Variants in SFSWAP observed in about 807,000 individuals in gnomAD.
SFSWAP encodes the protein splicing factor SWAP, also known as splicing factor, suppressor of white-apricot homolog.
In SFSWAP, 17 loss-of-function variants were observed where a neutral mutation model predicts 100.7. That is an observed-to-expected ratio of 0.17 (90% CI 0.12 to 0.25). The LOEUF (loss-of-function observed/expected upper bound fraction) is 0.25, where lower values mean the gene tolerates loss of function less well. Ranked by LOEUF, SFSWAP falls within the 10% of genes least tolerant of loss-of-function variation. The pLI, the probability that SFSWAP is intolerant of heterozygous loss-of-function variation, is 1.00. For synonymous variants in SFSWAP, 504 were observed against 510.1 expected, an observed-to-expected ratio of 0.99 and a Z score of 0.16; for missense variants, 1,005 against 1,262.6, an observed-to-expected ratio of 0.80 and a Z score of 3.09.
At chr12:131,791,091 T>G (rs1367199411) in intron 15 of SFSWAP, among the ~76,000 whole-genome samples, 1 of 151,934 alleles carries the variant, frequency 6.6e-6, no homozygotes, top group Non-Finnish European at 1.5e-5. Flanking sequence ...GATTGTGGAG[T>G]GGATTAAAGA....
intron 7 of SFSWAP, among the ~76,000 whole-genome samples, chr12:131,740,959 T>TTTCTTTC (rs1880553918): frequency 7.4e-6 from 1 of 134,352 alleles, no homozygotes; most frequent in African/African-American, 2.6e-5. Context: ...TTTTTTTTCT[T>TTTCTTTC]TTTTTTCTTT....
intron 15 of SFSWAP, chr12:131,796,863 A>G: frequency 3.9e-6 from 1 of 258,232 alleles, no homozygotes; most frequent in Non-Finnish European, 7.3e-6. Flanking sequence ...ATTTTTATTG[A>G]TGAAACATAA....
intron 7 of SFSWAP, among the ~76,000 whole-genome samples, chr12:131,747,785 C>G (rs1474325067): frequency 6.6e-6 from 1 of 152,202 alleles, no homozygotes; most frequent in Non-Finnish European, 1.5e-5. Context: ...GTTCTGGACA[C>G]ATTCGGCTTG....
At chr12:131,746,017 G>A (rs374760676) in intron 7 of SFSWAP, among the ~76,000 whole-genome samples, 2 of 152,118 alleles carry the variant, frequency 1.3e-5, no homozygotes, top group African/African-American at 4.8e-5. Flanking sequence ...AACAAACATC[G>A]GTTATGGTCT....
chr12:131,720,564 A>G (rs557809389), intron 4 of SFSWAP, among the ~76,000 whole-genome samples: 5 of 152,324 alleles, frequency 3.3e-5, no homozygotes, highest in African/African-American at 1.2e-4. Flanking sequence ...GGCATTCTCA[A>G]TTCTTGTTTG....
rs779506441 is a variant in SFSWAP, at chr12:131,778,320, C to T, written c.2398C>T (p.Arg800Trp). 1.2e-6 allele frequency: 2 copies of T among 1,612,244 alleles called. No homozygotes were observed. Among genetic ancestry groups the T allele is most frequent in the South Asian group, 1.1e-5 (1 of 91,040 alleles). The part of the protein sequence containing the change: ...HSLPSAYRTV[R>W]RSRSRSRSPR... ...TCTTCCCAGTGCCTATCGGACAGTG[C>T]GGCGGTCGAGGTGGGTGTGAAGGGG... is the stretch of plus-strand genomic sequence containing the variant. The change falls in exon 14 of 18, where the codon CGG becomes TGG. Residue 800 changes from arginine to tryptophan, a missense_variant. By Grantham distance (101) the Arg-to-Trp change is moderately radical. Transcript: ENST00000261674. This position sits in a 1 kb window ranked among gnomAD's most constrained non-coding sequence, Gnocchi z 4.2.
intron 13 of SFSWAP, among the ~76,000 whole-genome samples, chr12:131,774,522 C>T (rs932318237): frequency 1.4e-4 from 22 of 152,278 alleles, no homozygotes; most frequent in African/African-American, 5.1e-4. Context: ...CGGACTCTAC[C>T]TAAACCAATG....
chr12:131,720,547 C>T (rs1195079079), intron 4 of SFSWAP, among the ~76,000 whole-genome samples: 2 of 152,220 alleles, frequency 1.3e-5, no homozygotes, highest in Non-Finnish European at 2.9e-5. Flanking sequence ...CAAGTGGCAT[C>T]GATGCAGGCA....
intron 13 of SFSWAP, among the ~76,000 whole-genome samples, chr12:131,775,383 T>C (rs1307631668): frequency 1.3e-5 from 2 of 152,134 alleles, no homozygotes; most frequent in Admixed American, 1.3e-4. Context: ...CAGGTGCCCG[T>C]GTTGAGGTTC....
At chr12:131,751,929 G>A (rs1881691864) in intron 7 of SFSWAP, among the ~76,000 whole-genome samples, 1 of 152,166 alleles carries the variant, frequency 6.6e-6, no homozygotes, top group Admixed American at 6.5e-5. Flanking sequence ...TTGAAAATTT[G>A]GAGTATTACT....
At position 131,747,103 on chromosome 12, in the gene SFSWAP, C is replaced by CAAAAA. The variant is rs398021689; in HGVS notation, c.1082-6008_1082-6004dup. On this transcript the variant is annotated intron_variant, in intron 7 of 17. Coordinates refer to ENST00000261674, the MANE Select transcript of SFSWAP (RefSeq NM_004592.4). ...TGGGCAACAGAGCGAGACTCTGTCT[C>CAAAAA]AAAAAAAAAAAAAAAAGCTCATGCC... 3.1e-5 allele frequency among the ~76,000 whole-genome samples: 3 copies of CAAAAA among 96,914 alleles called. 1 individual carries two copies. Among genetic ancestry groups the CAAAAA allele is most frequent in the Non-Finnish European group, 2.0e-5 (1 of 49,626 alleles). The allele number at this position is 96,914 out of a possible 152,430, so 63.6% of individuals were successfully genotyped here.
At chr12:131,799,207 T>C (rs1012403194) in intron 17 of SFSWAP, 98 bp downstream of exon 17, 1 of 1,124,842 alleles carries the variant, frequency 8.9e-7, no homozygotes, top group African/African-American at 1.5e-5. Flanking sequence ...CCTGTCCCTG[T>C]CATGGGACAG....
At chr12:131,783,834 A>C (rs1239715153) in intron 14 of SFSWAP, 2 of 141,806 alleles carry the variant, frequency 1.4e-5, no homozygotes, top group Non-Finnish European at 3.1e-5. Context: ...TTCTTTGTAG[A>C]AATTAGCTCC....
chr12:131,764,284 C>T (rs1451870355), intron 11 of SFSWAP, among the ~76,000 whole-genome samples, 172 bp from the exon 12 acceptor site: 1 of 152,222 alleles, frequency 6.6e-6, no homozygotes, highest in Non-Finnish European at 1.5e-5. Context: ...ATGCAGTGCA[C>T]ATCTGCACAG....
Position 131,714,969 on chromosome 12 carries a change from C to T in SFSWAP, c.520+16C>T. On this transcript the variant is annotated intron_variant, in intron 3 of 17. Transcript: ENST00000261674. The surrounding 1 kb of genome is among the most constrained non-coding windows in gnomAD (Gnocchi z 6.0). ...AAACAGAGAGGTGAGTGGGGAGCTG[C>T]CTGGACTGCTGGTGTAGGGCTACAC... The T allele has an allele frequency of 6.2e-7, 1 of 1,613,474 alleles. No homozygotes were observed. Among genetic ancestry groups the T allele is most frequent in the Non-Finnish European group, 8.5e-7 (1 of 1,179,934 alleles).
chr12:131,793,248 AT>A (rs927362633), intron 15 of SFSWAP, among the ~76,000 whole-genome samples: 3 of 151,276 alleles, frequency 2.0e-5, no homozygotes, highest in Admixed American at 6.6e-5. Flanking sequence ...TGCCCAGCTA[AT>A]TTTTTTTTAT....
Position 131,734,797 on chromosome 12 carries a change from G to C in SFSWAP, c.1081+6369G>C, listed in dbSNP as rs1036819584. ...GGTGAGATGAACGAGCTCTCCCTGC[G>C]TGCGCACGTCTACGTACGCTCGTGT... On this transcript the variant is annotated intron_variant, in intron 7 of 17. Transcript: ENST00000261674. This position sits in a 1 kb window ranked among gnomAD's most constrained non-coding sequence, Gnocchi z 4.9. Among the ~76,000 whole-genome samples the C allele has an allele frequency of 2.6e-5, 4 of 152,152 alleles. No individual in the cohort carries two copies. Among genetic ancestry groups the C allele is most frequent in the African/African-American group, 9.7e-5 (4 of 41,430 alleles).
intron 13 of SFSWAP, among the ~76,000 whole-genome samples, chr12:131,772,664 C>G (rs1883712871): frequency 6.6e-6 from 1 of 152,194 alleles, no homozygotes; most frequent in African/African-American, 2.4e-5. Flanking sequence ...GCTCTTTTAG[C>G]TCTGCCATCT....
Position 131,727,020 on chromosome 12 carries a change from A to C in SFSWAP, c.913A>C (p.Lys305Gln). ...NYLHPSLFASKKCNRLEELMK... is the reference protein window; with the variant it reads ...NYLHPSLFASQKCNRLEELMK... ...CCTTCATCCCTCTCTCTTTGCCTCC[A>C]AGAAGTGTAACCGCCTTGAAGAGCT... The change falls in exon 6 of 18, where the codon AAG (lysine) becomes CAG (glutamine). Residue 305 changes from lysine (K) to glutamine (Q), a missense_variant. Transcript: ENST00000261674. 1 of 1,603,880 alleles carries C rather than the reference A, an allele frequency of 6.2e-7. No homozygotes were observed. The highest frequency in any genetic ancestry group is 8.5e-7 in the Non-Finnish European group (1 of 1,173,832).
Sources: allele counts gnomAD v4.1 joint callset (sites outside exome capture counted in the v4.1 genomes callset), GRCh38; gene constraint gnomAD v4.1.1; non-coding constraint Gnocchi (gnomAD v3.1); transcripts MANE v1.5; gene names NCBI Gene and HGNC (gene_info 2026-07-23, HGNC 2026-07-21).